Variants in NT5C2 observed in about 807,000 individuals in gnomAD.
The protein encoded by NT5C2 is cytosolic purine 5'-nucleotidase.
In NT5C2, 58 loss-of-function variants were observed where a neutral mutation model predicts 76.1. That is an observed-to-expected ratio of 0.76 (90% CI 0.62 to 0.95). NT5C2 has a LOEUF of 0.95. Among genes scored for constraint, NT5C2 ranks in the 40% least tolerant of loss-of-function variants. The probability of loss-of-function intolerance (pLI) is 0.00; values close to 1 mark genes in which losing one functional copy is unlikely to be tolerated. For missense variants in NT5C2, 478 were observed against 690.3 expected (o/e 0.69, Z 3.45); for synonymous variants, 229 against 237.4 (o/e 0.96, Z 0.32).
intron 1 of NT5C2, among the ~76,000 whole-genome samples, chr10:103,187,558 A>G: frequency 6.6e-6 from 1 of 151,838 alleles, no homozygotes; most frequent in Non-Finnish European, 1.5e-5. Flanking sequence ...TCTTAAAAAA[A>G]AAAAAAAAAA....
At chr10:103,094,993 A>C (rs2067850500) in intron 12 of NT5C2, among the ~76,000 whole-genome samples, 1 of 144,830 alleles carries the variant, frequency 6.9e-6, no homozygotes, top group Non-Finnish European at 1.5e-5. Context: ...AAATCATTTC[A>C]TCTACTACTA....
chr10:103,190,035 CTT>C (rs1383317493), intron 1 of NT5C2, among the ~76,000 whole-genome samples: 5 of 126,158 alleles, frequency 4.0e-5, no homozygotes, highest in Admixed American at 2.7e-4. Flanking sequence ...GAGTTTCACT[CTT>C]GTCACCCAGG....
chr10:103,191,536 T>C (rs2092643445), intron 1 of NT5C2, among the ~76,000 whole-genome samples: 1 of 152,242 alleles, frequency 6.6e-6, no homozygotes, highest in African/African-American at 2.4e-5. Flanking sequence ...TGGCTTTCTT[T>C]AGGAAGATGT....
At chr10:103,139,148 T>C (rs1440008727) in intron 4 of NT5C2, among the ~76,000 whole-genome samples, 1 of 152,222 alleles carries the variant, frequency 6.6e-6, no homozygotes, top group Admixed American at 6.5e-5. Flanking sequence ...GATTTTACCA[T>C]ATTATTTCTT....
At chr10:103,183,797 C>T (rs2091638679) in intron 1 of NT5C2, among the ~76,000 whole-genome samples, 2 of 151,786 alleles carry the variant, frequency 1.3e-5, no homozygotes, top group African/African-American at 2.4e-5. Flanking sequence ...CAAAACTGTA[C>T]CCCCTAAATC....
intron 3 of NT5C2, among the ~76,000 whole-genome samples, chr10:103,168,131 A>T (rs1168626605): frequency 6.6e-6 from 1 of 152,114 alleles, no homozygotes; most frequent in Non-Finnish European, 1.5e-5. Flanking sequence ...CAGATATATA[A>T]TTTAAGATAA....
intron 3 of NT5C2, among the ~76,000 whole-genome samples, chr10:103,158,029 T>G (rs1340461690): frequency 6.6e-6 from 1 of 150,834 alleles, no homozygotes; most frequent in East Asian, 1.9e-4. Flanking sequence ...GCCAGGATCG[T>G]GCCACTGCAC....
chr10:103,174,671 G>C (rs1288011862), intron 3 of NT5C2, among the ~76,000 whole-genome samples, 187 bp downstream of exon 3: 1 of 152,166 alleles, frequency 6.6e-6, no homozygotes, highest in Non-Finnish European at 1.5e-5. Flanking sequence ...ACTTTTACTA[G>C]TAGATACACA....
intron 1 of NT5C2, among the ~76,000 whole-genome samples, chr10:103,184,053 A>C (rs1245915349): frequency 6.6e-6 from 1 of 151,806 alleles, no homozygotes; most frequent in Non-Finnish European, 1.5e-5. Context: ...CCCAGATTCA[A>C]GCGATTCTCC....
At chr10:103,165,353 C>T (rs770555592) in intron 3 of NT5C2, among the ~76,000 whole-genome samples, 3 of 152,048 alleles carry the variant, frequency 2.0e-5, no homozygotes, top group Non-Finnish European at 4.4e-5. Context: ...ATTAGCCTGG[C>T]GTGCTGGCAC....
At chr10:103,153,367 T>C (rs1000781747) in intron 3 of NT5C2, 16 of 1,247,388 alleles carry the variant, frequency 1.3e-5, no homozygotes, top group African/African-American at 1.6e-5. Context: ...CACTGATCTC[T>C]TGAGAACTGT....
chr10:103,129,302 G>A (rs2077444616), intron 4 of NT5C2, among the ~76,000 whole-genome samples: 2 of 123,744 alleles, frequency 1.6e-5, no homozygotes, highest in African/African-American at 3.0e-5. Context: ...GGGAGGTGGG[G>A]GGGTCAGCCC....
intron 1 of NT5C2, among the ~76,000 whole-genome samples, chr10:103,183,801 C>T (rs956368810): frequency 1.8e-4 from 28 of 151,850 alleles, no homozygotes; most frequent in Non-Finnish European, 3.8e-4. Context: ...ACTGTACCCC[C>T]TAAATCTATA....
Position 103,088,661 on chromosome 10 carries a change from A to T in NT5C2, c.*1011T>A, listed in dbSNP as rs180818305. On this transcript the variant is annotated 3_prime_UTR_variant, in exon 19 of 19. Transcript: ENST00000404739. ...CTCGGCCTCCCAAAGTGCTGGGATT[A>T]CAGGCGTGAGCCGCCGTGCCTGGCC... 349 of 172,152 alleles carry T rather than the reference A, an allele frequency of 2.0e-3. 3 individuals are homozygous for T. The highest frequency in any genetic ancestry group is 7.7e-3 in the African/African-American group (327 of 42,204). The allele number at this position is 172,152 out of a possible 1,614,324, so 10.7% of individuals were successfully genotyped here. A position where few individuals can be genotyped will look rare whatever the true frequency, so the allele number is the denominator to read the frequency against.
chr10:103,125,063 G>A (rs1565076232), intron 4 of NT5C2: 2 of 282,872 alleles, frequency 7.1e-6, no homozygotes, highest in East Asian at 1.5e-4. Flanking sequence ...TTTTCGTCTT[G>A]CTTCTTCACG....
chr10:103,149,322 C>A (rs1402310771), intron 3 of NT5C2, among the ~76,000 whole-genome samples: 1 of 152,094 alleles, frequency 6.6e-6, no homozygotes, highest in Non-Finnish European at 1.5e-5. Flanking sequence ...CTCTTTCCAG[C>A]AAAGATTTTA....
At chr10:103,116,574 C>CTT (rs1459095608) in intron 4 of NT5C2, among the ~76,000 whole-genome samples, 4 of 136,312 alleles carry the variant, frequency 2.9e-5, no homozygotes, top group African/African-American at 5.5e-5. Context: ...AGATTTTTTT[C>CTT]TTTTTTTTTT....
intron 1 of NT5C2, among the ~76,000 whole-genome samples, chr10:103,183,623 T>C (rs2091602298): frequency 6.7e-6 from 1 of 149,042 alleles, no homozygotes. Context: ...TCACGCCATA[T>C]ATATATATAT....
At position 103,191,957 on chromosome 10, in the gene NT5C2, CT is replaced by C. The variant is rs528278756; in HGVS notation, c.-169+1278del. Among the ~76,000 whole-genome samples, 1,357 of 143,470 alleles carry C rather than the reference CT, an allele frequency of 9.5e-3. 23 individuals carry two copies. Among genetic ancestry groups the C allele is most frequent in the African/African-American group, 0.031 (1,213 of 39,508 alleles). 94.1% of individuals were successfully genotyped at this position (143,470 alleles called of 152,430 possible). A position where few individuals can be genotyped will look rare whatever the true frequency, so the allele number is the denominator to read the frequency against. On this transcript the variant is annotated intron_variant, in intron 1 of 18. Coordinates refer to ENST00000404739, the MANE Select transcript of NT5C2 (RefSeq NM_001351169.2). ...TTTCTTGAACTTAACCTTTTTTGTTCTTTTTTTTTTTTCCACTCTCAGCTCA... is the reference window on the plus strand; with the variant it reads ...TTTCTTGAACTTAACCTTTTTTGTTCTTTTTTTTTTTCCACTCTCAGCTCA...
Sources: allele counts gnomAD v4.1 joint callset (sites outside exome capture counted in the v4.1 genomes callset), GRCh38; gene constraint gnomAD v4.1.1; transcripts MANE v1.5; gene names NCBI Gene and HGNC (gene_info 2026-07-23, HGNC 2026-07-21).